The following SLC7A8 variants were observed in gnomAD, a reference collection of about 807,000 sequenced individuals.
SLC7A8 encodes solute carrier family 7 member 8.
In SLC7A8, 30 loss-of-function variants were observed where a neutral mutation model predicts 51.2. The ratio of observed to expected loss-of-function variants is 0.59; its 90% CI spans 0.44 to 0.80. The LOEUF (loss-of-function observed/expected upper bound fraction) is 0.80. Ranked by LOEUF, SLC7A8 falls within the 30% of genes least tolerant of loss-of-function variation. SLC7A8 has a pLI of 0.00. For missense variants in SLC7A8, 612 were observed against 674.4 expected, an observed-to-expected ratio of 0.91 and a Z score of 1.03; for synonymous variants, 257 against 275.8, an observed-to-expected ratio of 0.93 and a Z score of 0.67.
At chr14:23,148,522 C>A (rs763125194) in intron 3 of SLC7A8, among the ~76,000 whole-genome samples, 43 of 152,280 alleles carry the variant, frequency 2.8e-4, no homozygotes, top group Non-Finnish European at 1.8e-4. Context: ...GCCACCGCGC[C>A]CAGCCAAGTT....
Position 23,128,357 on chromosome 14 carries a change from G to A in SLC7A8, c.1264-161C>T. On this transcript the variant is annotated intron_variant, in intron 9 of 10. Transcript: ENST00000316902. The surrounding 1 kb of genome is among the most constrained non-coding windows in gnomAD (Gnocchi z 4.3). Reference sequence around the variant, plus strand: ...GTGGTCCCACACTCACCCCTGGTAGGGCAGGGGCTATATAAACAAATGTTG... The same window carrying A: ...GTGGTCCCACACTCACCCCTGGTAGAGCAGGGGCTATATAAACAAATGTTG... 1.3e-6 allele frequency: 2 copies of A among 1,537,112 alleles called. No individual in the cohort carries two copies. Among genetic ancestry groups the A allele is most frequent in the South Asian group, 1.2e-5 (1 of 83,282 alleles).
intron 4 of SLC7A8, among the ~76,000 whole-genome samples, chr14:23,142,172 T>C (rs968514380): frequency 2.0e-5 from 3 of 152,240 alleles, no homozygotes; most frequent in Non-Finnish European, 4.4e-5. Flanking sequence ...CTGCCCACAC[T>C]GCCTTCAGGG....
chr14:23,171,943 G>A (rs955742601), intron 1 of SLC7A8, among the ~76,000 whole-genome samples: 1 of 152,212 alleles, frequency 6.6e-6, no homozygotes, highest in Non-Finnish European at 1.5e-5. Flanking sequence ...AGTCACTGCA[G>A]AACACTGCTC....
chr14:23,164,440 GCT>G (rs1002727282), intron 3 of SLC7A8, among the ~76,000 whole-genome samples: 5 of 152,178 alleles, frequency 3.3e-5, no homozygotes, highest in East Asian at 1.9e-4. Context: ...CATTTGCCTG[GCT>G]CTCTGTTTCC....
rs534708869 is a variant in SLC7A8 at position 23,127,462 on chromosome 14, T to C, written c.1442-119A>G. The stretch of plus-strand genomic sequence containing the variant: ...GGTTCTGCCTCTTCAGAGCAGTCAG[T>C]GCGTTGAAGAGAATCCTCGCCACCT... On this transcript the variant is annotated intron_variant, in intron 10 of 10. Transcript: ENST00000316902. The C allele has an allele frequency of 3.1e-5, 37 of 1,208,462 alleles. No individual in the cohort carries two copies. The African/African-American group carries it at 4.8e-4, about 16-fold the overall frequency. 74.9% of individuals were successfully genotyped at this position (1,208,462 alleles called of 1,614,324 possible). A position where few individuals can be genotyped will look rare whatever the true frequency, so the allele number is the denominator to read the frequency against.
chr14:23,160,716 C>T lies in SLC7A8; in HGVS notation c.508+4569G>A, dbSNP rs116407005. Among the ~76,000 whole-genome samples the T allele has an allele frequency of 9.4e-3, 1,425 of 152,174 alleles. 25 individuals carry two copies. The highest frequency in any genetic ancestry group is 0.032 in the African/African-American group (1,334 of 41,512). ...ACTGGCCAGCGGCTGATGATAAGGG[C>T]GGCTATCGCTGCTGGCTCTATATCT... is the stretch of plus-strand genomic sequence containing the variant. On this transcript the variant is annotated intron_variant, in intron 3 of 10. Coordinates refer to ENST00000316902, the MANE Select transcript of SLC7A8 (RefSeq NM_012244.4).
At chr14:23,156,362 T>G (rs1050620020) in intron 3 of SLC7A8, 24 of 152,188 alleles carry the variant, frequency 1.6e-4, no homozygotes, top group African/African-American at 5.1e-4. Flanking sequence ...GGGGCCATGC[T>G]AATCTTCTCT....
intron 1 of SLC7A8, among the ~76,000 whole-genome samples, chr14:23,180,193 A>T (rs547614918): frequency 2.6e-5 from 4 of 152,198 alleles, no homozygotes; most frequent in Admixed American, 1.3e-4. Context: ...GGTGTGAGCC[A>T]CCGCACCCGG....
intron 1 of SLC7A8, among the ~76,000 whole-genome samples, chr14:23,172,973 C>T (rs1294163817): frequency 1.3e-5 from 2 of 152,076 alleles, no homozygotes; most frequent in African/African-American, 2.4e-5. Context: ...CATTTTTAAA[C>T]AGAACAAAAT....
chr14:23,142,973 T>G, intron 4 of SLC7A8, 106 bp downstream of exon 4: 4 of 1,406,144 alleles, frequency 2.8e-6, no homozygotes, highest in Non-Finnish European at 3.9e-6. Flanking sequence ...AAGGCTAGAA[T>G]TGGGGAAATC....
chr14:23,154,409 T>C, intron 3 of SLC7A8: 2 of 994,850 alleles, frequency 2.0e-6, no homozygotes, highest in Non-Finnish European at 2.4e-6. Flanking sequence ...TTGGAGCCGC[T>C]GGGCAGGGAA....
At chr14:23,135,175 C>G (rs1467802634) in intron 7 of SLC7A8, among the ~76,000 whole-genome samples, 4 of 151,986 alleles carry the variant, frequency 2.6e-5, no homozygotes, top group Admixed American at 1.3e-4. Flanking sequence ...GCAACCTCCG[C>G]CTCCTGGGTT....
chr14:23,164,786 G>T (rs1034247440), intron 3 of SLC7A8, among the ~76,000 whole-genome samples: 1 of 152,098 alleles, frequency 6.6e-6, no homozygotes, highest in Non-Finnish European at 1.5e-5. Flanking sequence ...GAGGTCAGGA[G>T]TTCAAAACCA....
At position 23,129,762 on chromosome 14, in the gene SLC7A8, A is replaced by G. The variant is rs116030032; in HGVS notation, c.1151T>C (p.Met384Thr). The G allele has an allele frequency of 1.3e-4, 202 of 1,614,188 alleles. 1 individual carries two copies. In the African/African-American group the frequency reaches 2.4e-3, roughly 19 times the overall value. Residue 384 changes from methionine (M) to threonine (T), a missense_variant, in exon 9 of 11, where the codon ATG (methionine) becomes ACG (threonine). Physicochemically the swap from Met to Thr is moderately conservative, Grantham distance 81. Coordinates refer to ENST00000316902, the MANE Select transcript of SLC7A8 (RefSeq NM_012244.4). ...GCCCACATAGTTGATGAGTGTGTAC[A>G]TGTCGCTGGTGACCAGCATCAGCAG... is the stretch of plus-strand genomic sequence containing the variant. ...STLLMLVTSD[M>T]YTLINYVGFI...
chr14:23,154,496 C>T (rs761387546), intron 3 of SLC7A8: 8 of 984,132 alleles, frequency 8.1e-6, no homozygotes, highest in Non-Finnish European at 9.7e-6. Flanking sequence ...GCCGCCTCCC[C>T]CGCTTGTGGA....
At chr14:23,178,128 G>T (rs754106692) in intron 1 of SLC7A8, among the ~76,000 whole-genome samples, 1 of 152,144 alleles carries the variant, frequency 6.6e-6, no homozygotes, top group Non-Finnish European at 1.5e-5. Flanking sequence ...TCTACCAAAT[G>T]AGTTACTGTG....
At chr14:23,147,510 A>G (rs557004076) in intron 3 of SLC7A8, among the ~76,000 whole-genome samples, 1 of 152,356 alleles carries the variant, frequency 6.6e-6, no homozygotes, top group East Asian at 1.9e-4. Flanking sequence ...CCCTGGCAAC[A>G]TGGAGAAATT....
chr14:23,131,638 GC>G, intron 7 of SLC7A8, 81 bp from the exon 8 acceptor site: 1 of 1,105,738 alleles, frequency 9.0e-7, no homozygotes, highest in African/African-American at 1.6e-5. Context: ...CCTACCTTCT[GC>G]CCACACAGGG....
chr14:23,166,127 G>C (rs2048948523), intron 2 of SLC7A8, among the ~76,000 whole-genome samples: 2 of 151,942 alleles, frequency 1.3e-5, no homozygotes, highest in East Asian at 1.9e-4. Flanking sequence ...CTACAAACCT[G>C]GTCCTCCATC....
Sources: allele counts gnomAD v4.1 joint callset (sites outside exome capture counted in the v4.1 genomes callset), GRCh38; gene constraint gnomAD v4.1.1; non-coding constraint Gnocchi (gnomAD v3.1); transcripts MANE v1.5; gene names NCBI Gene and HGNC (gene_info 2026-07-23, HGNC 2026-07-21).